The following MAPKAP1 variants were observed in gnomAD, a reference collection of about 807,000 sequenced individuals.
MAPKAP1 encodes the protein MAPK associated protein 1, also known as target of rapamycin complex 2 subunit MAPKAP1.
A neutral mutation model predicts 65.7 loss-of-function variants in MAPKAP1; 20 were observed. The ratio of observed to expected loss-of-function variants is 0.30; its 90% confidence interval spans 0.21 to 0.44. The LOEUF (loss-of-function observed/expected upper bound fraction) is 0.44, where lower values mean the gene tolerates loss of function less well. Ranked by LOEUF, MAPKAP1 falls within the 20% of genes least tolerant of loss-of-function variation. The pLI is 1.00. For missense variants in MAPKAP1, 423 were observed against 648.0 expected, an observed-to-expected ratio of 0.65 and a Z score of 3.77; for synonymous variants, 222 against 244.3, an observed-to-expected ratio of 0.91 and a Z score of 0.85.
intron 10 of MAPKAP1, among the ~76,000 whole-genome samples, chr9:125,454,444 T>C (rs1260454087): frequency 1.3e-5 from 2 of 152,220 alleles, no homozygotes; most frequent in Admixed American, 6.5e-5. Context: ...AGTGGAGAGC[T>C]AGGGTAACCT....
intron 1 of MAPKAP1, among the ~76,000 whole-genome samples, chr9:125,676,131 G>A (rs1169183402): frequency 6.6e-6 from 1 of 152,202 alleles, no homozygotes; most frequent in Admixed American, 6.5e-5. Flanking sequence ...AGGGTTCAGA[G>A]AAATGGGCAC....
intron 11 of MAPKAP1, among the ~76,000 whole-genome samples, chr9:125,443,714 GCCC>G (rs1471768009): frequency 4.3e-4 from 2 of 4,648 alleles, no homozygotes; most frequent in Admixed American, 3.1e-3. Context: ...AGCCCCCCCA[GCCC>G]CCCATCCCCC....
At chr9:125,519,147 T>C (rs762531699) in intron 7 of MAPKAP1, among the ~76,000 whole-genome samples, 1 of 152,128 alleles carries the variant, frequency 6.6e-6, no homozygotes, top group Non-Finnish European at 1.5e-5. Context: ...TCACACATCA[T>C]GTAGGCTCAG....
intron 7 of MAPKAP1, among the ~76,000 whole-genome samples, chr9:125,514,870 C>A (rs1482966488): frequency 6.6e-6 from 1 of 152,124 alleles, no homozygotes; most frequent in East Asian, 1.9e-4. Flanking sequence ...CCTCACTGAG[C>A]CAAAGCCACT....
chr9:125,595,911 G>C lies in MAPKAP1; in HGVS notation c.499-10184C>G. ...GCAAGGCCACACAAGGTGGATCGGA[G>C]TTGTGGAACCAAAGAGAGCTGTCTC... is the stretch of plus-strand genomic sequence containing the variant. On this transcript the variant is annotated intron_variant, in intron 4 of 11. Coordinates refer to ENST00000265960, the MANE Select transcript of MAPKAP1 (RefSeq NM_001006617.3). This position sits in a 1 kb window ranked among gnomAD's most constrained non-coding sequence, Gnocchi z 4.0. 7.9e-7 allele frequency: 1 copy of C among 1,264,026 alleles called. No homozygotes were observed. Among genetic ancestry groups the C allele is most frequent in the South Asian group, 1.2e-5 (1 of 84,212 alleles). The allele number at this position is 1,264,026 out of a possible 1,614,324, so 78.3% of individuals were successfully genotyped here.
At chr9:125,562,612 T>G (rs893302786) in intron 5 of MAPKAP1, among the ~76,000 whole-genome samples, 3 of 152,206 alleles carry the variant, frequency 2.0e-5, no homozygotes, top group Non-Finnish European at 2.9e-5. Flanking sequence ...CTGTGATATT[T>G]TGACTTCTAA....
intron 7 of MAPKAP1, among the ~76,000 whole-genome samples, chr9:125,516,441 A>G (rs1376042186): frequency 6.6e-6 from 1 of 152,198 alleles, no homozygotes; most frequent in African/African-American, 2.4e-5. Flanking sequence ...CTTAAGAGTA[A>G]CAGAGCCTAA....
intron 3 of MAPKAP1, among the ~76,000 whole-genome samples, chr9:125,668,265 G>A (rs1342299162): frequency 6.6e-6 from 1 of 152,058 alleles, no homozygotes; most frequent in Admixed American, 6.6e-5. Flanking sequence ...CTCCATGTTG[G>A]GTAACTTTGG....
intron 4 of MAPKAP1, among the ~76,000 whole-genome samples, chr9:125,617,275 C>CCA: frequency 6.6e-6 from 1 of 152,254 alleles, no homozygotes; most frequent in South Asian, 2.1e-4. Flanking sequence ...GCGGAGGCAA[C>CCA]AAAAGGAGAT....
chr9:125,446,018 C>T (rs1019534473), intron 10 of MAPKAP1, among the ~76,000 whole-genome samples: 2 of 152,176 alleles, frequency 1.3e-5, no homozygotes, highest in African/African-American at 4.8e-5. Context: ...TAAAATTCAG[C>T]ATATCCTTTC....
intron 8 of MAPKAP1, among the ~76,000 whole-genome samples, chr9:125,496,877 C>T (rs576564842): frequency 1.3e-5 from 2 of 152,206 alleles, no homozygotes; most frequent in Admixed American, 6.5e-5. Context: ...GCTCAGGAGG[C>T]TCACTCTATC....
intron 4 of MAPKAP1, among the ~76,000 whole-genome samples, chr9:125,649,618 C>T (rs750257767): frequency 2.0e-5 from 3 of 151,904 alleles, no homozygotes; most frequent in Admixed American, 6.6e-5. Context: ...AAAAAAGAGG[C>T]TTTTTGCTCC....
chr9:125,503,688 C>A (rs1311198727), intron 8 of MAPKAP1, among the ~76,000 whole-genome samples: 2 of 151,590 alleles, frequency 1.3e-5, no homozygotes, highest in African/African-American at 4.8e-5. Context: ...ATTTTAGATC[C>A]TTTTCTCTTT....
At chr9:125,635,369 C>T (rs1203485984) in intron 4 of MAPKAP1, among the ~76,000 whole-genome samples, 1 of 152,208 alleles carries the variant, frequency 6.6e-6, no homozygotes, top group Non-Finnish European at 1.5e-5. Flanking sequence ...TGAGTTCTCT[C>T]CATTTCCCAA....
intron 5 of MAPKAP1, among the ~76,000 whole-genome samples, chr9:125,570,384 C>T (rs1021726333): frequency 2.6e-5 from 4 of 151,096 alleles, no homozygotes; most frequent in African/African-American, 9.7e-5. Context: ...ATGGTTCTTA[C>T]TGTATAACTT....
intron 10 of MAPKAP1, among the ~76,000 whole-genome samples, chr9:125,445,507 C>A (rs549476737): frequency 6.6e-6 from 1 of 152,260 alleles, no homozygotes; most frequent in African/African-American, 2.4e-5. Context: ...CACTTCTAGG[C>A]GCACTTCTTG....
intron 4 of MAPKAP1, among the ~76,000 whole-genome samples, chr9:125,625,655 C>T (rs567396444): frequency 1.1e-3 from 170 of 152,100 alleles, no homozygotes; most frequent in Admixed American, 2.4e-3. Context: ...ATTAGCCTGG[C>T]GTGGTGGTGT....
chr9:125,503,880 C>CTTTTTTTTTTTTTTTTTTT lies in MAPKAP1; in HGVS notation c.1066+2411_1066+2429dup, dbSNP rs35867576. Among the ~76,000 whole-genome samples the CTTTTTTTTTTTTTTTTTTT allele has an allele frequency of 8.0e-4, 53 of 66,244 alleles. 6 individuals are homozygous for CTTTTTTTTTTTTTTTTTTT. The highest frequency in any genetic ancestry group is 1.7e-3 in the African/African-American group (22 of 12,596). 43.5% of individuals were successfully genotyped at this position (66,244 alleles called of 152,430 possible). On this transcript the variant is annotated intron_variant, in intron 8 of 11. Coordinates refer to ENST00000265960, the MANE Select transcript of MAPKAP1 (RefSeq NM_001006617.3). ...TATAGGCACCCGCCACCACGCTTGG[C>CTTTTTTTTTTTTTTTTTTT]TTTTTTTTTTTTTTTTTTTTTTTTT...
intron 4 of MAPKAP1, among the ~76,000 whole-genome samples, chr9:125,603,736 T>C (rs1483509820): frequency 2.0e-5 from 3 of 152,158 alleles, no homozygotes; most frequent in African/African-American, 4.8e-5. Flanking sequence ...TTAAATTAAA[T>C]TGGATTTCCT....
Sources: gnomAD v4.1 joint callset for allele counts (sites outside exome capture counted in the v4.1 genomes callset) on GRCh38, gnomAD v4.1.1 for gene constraint, Gnocchi (gnomAD v3.1) non-coding constraint, MANE v1.5 for transcripts, NCBI Gene and HGNC (gene_info 2026-07-23, HGNC 2026-07-21) for gene names.